KCNH7: variants seen among roughly 807,000 people sequenced by gnomAD.
KCNH7 encodes the protein potassium voltage-gated channel subfamily H member 7.
A neutral mutation model predicts 120.8 loss-of-function variants in KCNH7; 49 were observed. The ratio of observed to expected loss-of-function variants is 0.41; its 90% CI spans 0.32 to 0.51. The LOEUF (loss-of-function observed/expected upper bound fraction) is 0.51. Ranked by LOEUF, KCNH7 falls within the 20% of genes least tolerant of loss-of-function variation. The pLI, the probability that KCNH7 is intolerant of heterozygous loss-of-function variation, is 0.38. For missense variants in KCNH7, 1,097 were observed against 1,446.6 expected (o/e 0.76, Z 3.92); for synonymous variants, 547 against 516.1 (o/e 1.06, Z -0.81).
intron 6 of KCNH7, among the ~76,000 whole-genome samples, chr2:162,499,163 G>A (rs545397825): frequency 6.6e-6 from 1 of 152,092 alleles, no homozygotes; most frequent in South Asian, 2.1e-4. Context: ...CTAAAAATTG[G>A]CACAATATTT....
chr2:162,594,854 T>G (rs1352037099), intron 2 of KCNH7, among the ~76,000 whole-genome samples: 1 of 152,030 alleles, frequency 6.6e-6, no homozygotes, highest in Non-Finnish European at 1.5e-5. Flanking sequence ...TTGGTATCCA[T>G]GAGGGATTCC....
chr2:162,734,062 A>AT (rs954609978), intron 2 of KCNH7, among the ~76,000 whole-genome samples: 8 of 151,982 alleles, frequency 5.3e-5, no homozygotes, highest in Non-Finnish European at 8.8e-5. Flanking sequence ...GAATGGATAT[A>AT]TTTTTTGGTC....
At chr2:162,582,431 G>C (rs1317403064) in intron 2 of KCNH7, among the ~76,000 whole-genome samples, 1 of 152,044 alleles carries the variant, frequency 6.6e-6, no homozygotes, top group Non-Finnish European at 1.5e-5. Context: ...CTTTAGAACT[G>C]GCAGAAAGTT....
Position 162,783,112 on chromosome 2 carries a change from G to T in KCNH7, c.307+53425C>A, listed in dbSNP as rs1340152385. Among the ~76,000 whole-genome samples the T allele has an allele frequency of 3.3e-5, 5 of 152,280 alleles. No individual in the cohort carries two copies. In the East Asian group the frequency reaches 7.7e-4, roughly 24 times the overall value. On this transcript the variant is annotated intron_variant, in intron 2 of 15. Transcript: ENST00000332142. Reference sequence around the variant, plus strand: ...AGTCCTTCACTGTGGAGCCACAAAGGTAATAACATATCAGAAGCAACAGTT... The same window carrying T: ...AGTCCTTCACTGTGGAGCCACAAAGTTAATAACATATCAGAAGCAACAGTT...
chr2:162,800,354 C>A (rs1225798119), intron 2 of KCNH7, among the ~76,000 whole-genome samples: 1 of 151,540 alleles, frequency 6.6e-6, no homozygotes, highest in African/African-American at 2.4e-5. Flanking sequence ...CCCACTAATA[C>A]CTGGGGATTT....
At chr2:162,826,856 T>C (rs779578036) in intron 2 of KCNH7, among the ~76,000 whole-genome samples, 1 of 151,974 alleles carries the variant, frequency 6.6e-6, no homozygotes, top group Non-Finnish European at 1.5e-5. Flanking sequence ...AGTGTTCCAA[T>C]AGAGAAAAGG....
At chr2:162,665,804 T>C (rs1685112565) in intron 2 of KCNH7, among the ~76,000 whole-genome samples, 1 of 152,176 alleles carries the variant, frequency 6.6e-6, no homozygotes, top group Non-Finnish European at 1.5e-5. Context: ...AATTAAACTA[T>C]GCAGGGAGTC....
At chr2:162,764,425 T>C (rs2105457736) in intron 2 of KCNH7, among the ~76,000 whole-genome samples, 1 of 152,290 alleles carries the variant, frequency 6.6e-6, no homozygotes, top group East Asian at 1.9e-4. Flanking sequence ...GACAGTATAA[T>C]TTCCCAATTA....
At chr2:162,470,602 G>A (rs1192894730) in intron 6 of KCNH7, among the ~76,000 whole-genome samples, 12 of 151,026 alleles carry the variant, frequency 7.9e-5, no homozygotes, top group African/African-American at 1.9e-4. Context: ...CAGGCCGGCC[G>A]CCCCATCCGG....
intron 2 of KCNH7, among the ~76,000 whole-genome samples, chr2:162,632,334 C>T (rs539521380): frequency 1.3e-5 from 2 of 151,986 alleles, no homozygotes; most frequent in East Asian, 3.9e-4. Flanking sequence ...ATGGAGAAAG[C>T]TGCAAGTTTA....
chr2:162,601,326 T>G (rs1466280874), intron 2 of KCNH7, among the ~76,000 whole-genome samples: 1 of 149,736 alleles, frequency 6.7e-6, no homozygotes, highest in Non-Finnish European at 1.5e-5. Flanking sequence ...GGCTCCAAAT[T>G]CATTTGCCAA....
intron 2 of KCNH7, among the ~76,000 whole-genome samples, chr2:162,627,901 CAGA>C (rs10541285): frequency 0.51 from 77,440 of 151,680 alleles, 20,865 homozygotes; most frequent in African/African-American, 0.68. Flanking sequence ...AGTTGCTAGT[CAGA>C]AGAAGGACAG....
intron 6 of KCNH7, among the ~76,000 whole-genome samples, chr2:162,472,972 CA>C (rs538005230): frequency 3.9e-4 from 59 of 151,486 alleles, no homozygotes; most frequent in African/African-American, 1.4e-3. Flanking sequence ...ATCGCAAGGA[CA>C]AAAAACCAAA....
At chr2:162,639,800 C>T (rs73028566) in intron 2 of KCNH7, among the ~76,000 whole-genome samples, 15,784 of 152,008 alleles carry the variant, frequency 0.1, 1,515 homozygotes, top group East Asian at 0.3. Flanking sequence ...TTGTAGTACA[C>T]ATGATTGATG....
At chr2:162,755,908 T>G (rs1218438909) in intron 2 of KCNH7, among the ~76,000 whole-genome samples, 3 of 152,154 alleles carry the variant, frequency 2.0e-5, no homozygotes, top group Non-Finnish European at 4.4e-5. Context: ...AGTGATAGTC[T>G]TATTTATATC....
chr2:162,799,493 A>T (rs780018022), intron 2 of KCNH7, among the ~76,000 whole-genome samples: 1 of 151,996 alleles, frequency 6.6e-6, no homozygotes, highest in African/African-American at 2.4e-5. Context: ...TACAACTCAG[A>T]TCTTTAATAT....
intron 2 of KCNH7, among the ~76,000 whole-genome samples, chr2:162,643,982 G>A (rs960944321): frequency 6.6e-6 from 1 of 151,982 alleles, no homozygotes; most frequent in Non-Finnish European, 1.5e-5. Context: ...GGCAAACACC[G>A]TGGTTCTTCA....
intron 3 of KCNH7, among the ~76,000 whole-genome samples, chr2:162,535,452 T>C (rs1692072364): frequency 6.6e-6 from 1 of 151,712 alleles, no homozygotes; most frequent in South Asian, 2.1e-4. Flanking sequence ...AAAAGTTCCA[T>C]TTATAATAGC....
intron 2 of KCNH7, among the ~76,000 whole-genome samples, chr2:162,829,536 G>A (rs965396127): frequency 2.0e-5 from 3 of 152,140 alleles, no homozygotes; most frequent in Non-Finnish European, 4.4e-5. Context: ...GGCTATTAGA[G>A]ATTGTTGGAG....
Sources: allele counts gnomAD v4.1 joint callset (sites outside exome capture counted in the v4.1 genomes callset), GRCh38; gene constraint gnomAD v4.1.1; transcripts MANE v1.5; gene names NCBI Gene and HGNC (gene_info 2026-07-23, HGNC 2026-07-21).